Variants in NFIB observed in about 807,000 individuals in gnomAD.
NFIB encodes nuclear factor I B.
In NFIB, 11 loss-of-function variants were observed where a neutral mutation model predicts 61.5. That is an observed-to-expected ratio of 0.18 (90% CI 0.11 to 0.30). NFIB has a LOEUF of 0.30. NFIB is among the 10% of genes least tolerant of loss of function. NFIB has a pLI of 1.00. For missense variants in NFIB, 471 were observed against 608.9 expected, an observed-to-expected ratio of 0.77 and a Z score of 2.38; for synonymous variants, 260 against 216.5, an observed-to-expected ratio of 1.20 and a Z score of -1.76.
chr9:14,259,838 G>T (rs1191595840), intron 2 of NFIB, among the ~76,000 whole-genome samples: 1 of 152,228 alleles, frequency 6.6e-6, no homozygotes, highest in Non-Finnish European at 1.5e-5. Context: ...CTGGGAGGCA[G>T]AGGTTGCAGT....
At chr9:14,346,088 G>A (rs2061014672) in intron 1 of NFIB, among the ~76,000 whole-genome samples, 1 of 152,168 alleles carries the variant, frequency 6.6e-6, no homozygotes, top group Non-Finnish European at 1.5e-5. Context: ...AGTAGAAGCG[G>A]GACCTGTGCT....
At chr9:14,343,295 C>G (rs976642490) in intron 1 of NFIB, among the ~76,000 whole-genome samples, 1 of 152,108 alleles carries the variant, frequency 6.6e-6, no homozygotes, top group African/African-American at 2.4e-5. Flanking sequence ...TGCCAGAGAA[C>G]CCCCTACTTT....
chr9:14,399,656 G>A (rs756729764), upstream of NFIB, among the ~76,000 whole-genome samples: 4 of 152,114 alleles, frequency 2.6e-5, no homozygotes, highest in Non-Finnish European at 2.9e-5. Flanking sequence ...ATTCTTGAAA[G>A]CCAGAAGTCA....
At chr9:14,427,245 A>G in the NFIB span, among the ~76,000 whole-genome samples, 4 of 152,116 alleles carry the variant, frequency 2.6e-5, no homozygotes, top group African/African-American at 9.7e-5. Flanking sequence ...ACTCATCTTT[A>G]TGTGTGGCAT....
intron 7 of NFIB, among the ~76,000 whole-genome samples, chr9:14,124,975 T>C (rs1232083768): frequency 6.6e-6 from 1 of 152,156 alleles, no homozygotes; most frequent in African/African-American, 2.4e-5. Context: ...AGAAACACTC[T>C]AAACTCAGCA....
chr9:14,371,754 G>A (rs1252753443), intron 1 of NFIB, among the ~76,000 whole-genome samples: 1 of 152,188 alleles, frequency 6.6e-6, no homozygotes, highest in South Asian at 2.1e-4. Flanking sequence ...ACAGGGAAGG[G>A]GCTCTCCAGG....
the NFIB span, among the ~76,000 whole-genome samples, chr9:14,446,808 C>A: frequency 6.6e-6 from 1 of 152,074 alleles, no homozygotes; most frequent in Non-Finnish European, 1.5e-5. Context: ...ACAACTTCTG[C>A]GCATTACTCA....
At chr9:14,123,118 G>C (rs548655128) in intron 7 of NFIB, among the ~76,000 whole-genome samples, 2 of 151,690 alleles carry the variant, frequency 1.3e-5, no homozygotes, top group Admixed American at 6.6e-5. Flanking sequence ...TTAGCTGAGC[G>C]GGGTGGTGAG....
At chr9:14,189,054 A>G (rs1250445876) in intron 2 of NFIB, among the ~76,000 whole-genome samples, 1 of 152,198 alleles carries the variant, frequency 6.6e-6, no homozygotes, top group African/African-American at 2.4e-5. Context: ...GTGCTGTTTT[A>G]CCTCCAAAGT....
At chr9:14,272,016 A>G (rs2057660550) in intron 2 of NFIB, among the ~76,000 whole-genome samples, 1 of 152,208 alleles carries the variant, frequency 6.6e-6, no homozygotes, top group Non-Finnish European at 1.5e-5. Flanking sequence ...AGTGCATAAG[A>G]CTAGTATTTT....
chr9:14,398,909 T>C, exon 1 of NFIB: 1 of 344,298 alleles, frequency 2.9e-6, no homozygotes, highest in Non-Finnish European at 5.2e-6. Context: ...TTTAGATCGG[T>C]GTCAGCTCAA....
the NFIB span, among the ~76,000 whole-genome samples, chr9:14,470,874 A>C: frequency 6.6e-6 from 1 of 152,146 alleles, no homozygotes; most frequent in Non-Finnish European, 1.5e-5. Context: ...CAGTTTCCTC[A>C]TCTGTCAAGG....
chr9:14,334,727 G>A (rs1309630581), intron 1 of NFIB, among the ~76,000 whole-genome samples: 2 of 152,000 alleles, frequency 1.3e-5, no homozygotes, highest in South Asian at 2.1e-4. Context: ...TGTTTAAAGC[G>A]TACTAATTGA....
intron 1 of NFIB, among the ~76,000 whole-genome samples, chr9:14,340,017 C>T (rs1998440): frequency 0.9 from 136,399 of 152,174 alleles, 63,077 homozygotes; most frequent in Non-Finnish European, 1. Context: ...GCCACTTCTT[C>T]TTACAGATGA....
At chr9:14,425,252 G>T in the NFIB span, among the ~76,000 whole-genome samples, 1 of 152,158 alleles carries the variant, frequency 6.6e-6, no homozygotes, top group Non-Finnish European at 1.5e-5. Context: ...GTGATTCTTA[G>T]TGTCACACAG....
the NFIB span, among the ~76,000 whole-genome samples, chr9:14,427,864 G>A: frequency 6.7e-6 from 1 of 149,066 alleles, no homozygotes; most frequent in Non-Finnish European, 1.5e-5. Context: ...CTTTCTTTGT[G>A]GGGCAGTCTC....
At chr9:14,393,897 G>A (rs977245862) in intron 1 of NFIB, among the ~76,000 whole-genome samples, 7 of 152,184 alleles carry the variant, frequency 4.6e-5, no homozygotes, top group Admixed American at 1.3e-4. Flanking sequence ...GCCAGTTACA[G>A]TATTTTTGGT....
the NFIB span, among the ~76,000 whole-genome samples, chr9:14,490,196 G>A: frequency 2.6e-5 from 4 of 152,094 alleles, no homozygotes; most frequent in Non-Finnish European, 2.9e-5. Flanking sequence ...AATCTAATGA[G>A]TGAAGCATTT....
chr9:14,512,865 T>C, the NFIB span, among the ~76,000 whole-genome samples: 19 of 150,910 alleles, frequency 1.3e-4, no homozygotes, highest in East Asian at 3.1e-3. Flanking sequence ...AGTTTTTCTT[T>C]CCAGACATGG....
Sources: allele counts gnomAD v4.1 joint callset (sites outside exome capture counted in the v4.1 genomes callset), GRCh38; gene constraint gnomAD v4.1.1; transcripts MANE v1.5; gene names NCBI Gene and HGNC (gene_info 2026-07-23, HGNC 2026-07-21).